BRAP: variants seen among roughly 807,000 people sequenced by gnomAD.
BRAP encodes BRCA1-associated protein.
BRAP carries 42 observed loss-of-function variants against 73.4 expected under a neutral mutation model. The observed-to-expected ratio is 0.57, with a 90% confidence interval of 0.45 to 0.74. The LOEUF is 0.74. BRAP is among the 30% of genes least tolerant of loss of function. The pLI is 0.00. For missense variants in BRAP, 593 were observed against 751.4 expected, an observed-to-expected ratio of 0.79 and a Z score of 2.46; for synonymous variants, 255 against 267.4, an observed-to-expected ratio of 0.95 and a Z score of 0.45.
At chr12:111,651,107 T>C (rs1238438423) in intron 10 of BRAP, among the ~76,000 whole-genome samples, 1 of 152,044 alleles carries the variant, frequency 6.6e-6, no homozygotes, top group Non-Finnish European at 1.5e-5. Flanking sequence ...CACAAGGCAA[T>C]ATAACAGGAA....
At chr12:111,670,422 T>C (rs912159496) in intron 5 of BRAP, 1 of 350,982 alleles carries the variant, frequency 2.8e-6, no homozygotes, top group Admixed American at 3.9e-5. Context: ...AATCAAATGC[T>C]AAAACAATCT....
At chr12:111,660,529 A>T in intron 7 of BRAP, 71 bp downstream of exon 7, 1 of 1,321,112 alleles carries the variant, frequency 7.6e-7, no homozygotes, top group Non-Finnish European at 1.0e-6. Flanking sequence ...AACTTAAGTC[A>T]TACCAGGCAG....
rs545553116 is a variant in BRAP at position 111,658,225 on chromosome 12, C to A, written c.1221+511G>T. Among the ~76,000 whole-genome samples, 47 of 151,928 alleles carry A rather than the reference C, an allele frequency of 3.1e-4. 1 individual carries two copies. Among genetic ancestry groups the A allele is most frequent in the Middle Eastern group, 3.4e-3 (1 of 294 alleles). ...GATTACAGGGGTGTGAGCCACTGCA[C>A]CCAGCTGACATTTAGACTTTCAAAG... On this transcript the variant is annotated intron_variant, in intron 9 of 11. Coordinates refer to ENST00000419234, the MANE Select transcript of BRAP (RefSeq NM_006768.5).
Position 111,642,803 on chromosome 12 carries a change from A to G in BRAP, c.*1396T>C, listed in dbSNP as rs1592960747. 6.6e-6 allele frequency: 1 copy of G among 152,214 alleles called. No individual in the cohort carries two copies. The highest frequency in any genetic ancestry group is 2.1e-4 in the South Asian group (1 of 4,828). The allele number at this position is 152,214 out of a possible 1,614,324, so 9.4% of individuals were successfully genotyped here. A position where few individuals can be genotyped will look rare whatever the true frequency, so the allele number is the denominator to read the frequency against. On this transcript the variant is annotated 3_prime_UTR_variant, in exon 12 of 12. Transcript: ENST00000419234. ...ACATTCATTTTGCAACATTACACGT[A>G]AAGTTTTTTGGGAAATGCTGCAGCA...
intron 4 of BRAP, among the ~76,000 whole-genome samples, chr12:111,675,679 G>A (rs1206631320): frequency 6.6e-6 from 1 of 151,600 alleles, no homozygotes; most frequent in Non-Finnish European, 1.5e-5. Flanking sequence ...AAATAAACCT[G>A]GCTTTTGTTT....
At chr12:111,652,158 C>G (rs904904554) in intron 10 of BRAP, among the ~76,000 whole-genome samples, 27 of 152,104 alleles carry the variant, frequency 1.8e-4, no homozygotes, top group Non-Finnish European at 1.3e-4. Context: ...ATGTCTTGGA[C>G]AGTAAAGATA....
intron 11 of BRAP, 130 bp from the exon 12 acceptor site, chr12:111,644,692 G>A (rs1283660711): frequency 7.3e-7 from 1 of 1,366,000 alleles, no homozygotes; most frequent in Non-Finnish European, 9.9e-7. Flanking sequence ...CTCCCATCGT[G>A]AGGGAGAATG....
intron 11 of BRAP, among the ~76,000 whole-genome samples, chr12:111,648,808 T>C (rs1208156146): frequency 1.3e-5 from 2 of 148,252 alleles, no homozygotes; most frequent in Non-Finnish European, 3.0e-5. Context: ...GCACCTGTAG[T>C]CCCAGCTATT....
chr12:111,648,533 A>C (rs1355439647), intron 11 of BRAP, among the ~76,000 whole-genome samples: 1 of 142,020 alleles, frequency 7.0e-6, no homozygotes, highest in African/African-American at 2.6e-5. Context: ...AATCACTTGA[A>C]TCCGGGAGGC....
intron 10 of BRAP, among the ~76,000 whole-genome samples, chr12:111,654,512 C>T (rs937481965): frequency 1.4e-5 from 2 of 147,602 alleles, no homozygotes; most frequent in Non-Finnish European, 2.9e-5. Flanking sequence ...GATTGGGTTT[C>T]GCCATGTTGG....
rs1593005454 is a variant in BRAP at position 111,685,746 on chromosome 12, G to A, written c.47C>T (p.Ser16Leu). The part of the protein sequence containing the change: ...VVIRLELAEH[S>L]PVPAGFGFSA... ...GAAGCCGAAGCCGGCGGGGACAGGC[G>A]AGTGTTCCGCGAGCTCCAATCGGAT... Residue 16 changes from serine to leucine, a missense_variant, in exon 1 of 12, where the codon TCG becomes TTG. By Grantham distance (145) the Ser-to-Leu change is moderately radical. This residue lies in a region of BRAP where 304 missense variants were observed against 337.7 expected (regional missense o/e 0.90). Coordinates refer to ENST00000419234, the MANE Select transcript of BRAP (RefSeq NM_006768.5). The A allele has an allele frequency of 6.2e-7, 1 of 1,609,890 alleles. No homozygotes were observed. The highest frequency in any genetic ancestry group is 8.5e-7 in the Non-Finnish European group (1 of 1,178,908).
intron 1 of BRAP, among the ~76,000 whole-genome samples, chr12:111,685,068 T>G (rs1228638811): frequency 6.6e-6 from 1 of 152,192 alleles, no homozygotes; most frequent in South Asian, 2.1e-4. Flanking sequence ...GTGTTAATGG[T>G]GTAAAAAGCT....
rs1885985689 is a variant in BRAP, at chr12:111,643,701, AATG to A, written c.*495_*497del. On this transcript the variant is annotated 3_prime_UTR_variant, in exon 12 of 12. Transcript: ENST00000419234. Reference sequence around the variant, plus strand: ...CTCCCCAGAGGAAGGGGGAGATGATAATGATATGACACTATTGCTAGGGAGTTT... The same window carrying A: ...CTCCCCAGAGGAAGGGGGAGATGATAATATGACACTATTGCTAGGGAGTTT... 6.5e-6 allele frequency: 1 copy of A among 153,020 alleles called. No individual in the cohort carries two copies. The highest frequency in any genetic ancestry group is 1.5e-5 in the Non-Finnish European group (1 of 68,684). The allele number at this position is 153,020 out of a possible 1,614,324, so 9.5% of individuals were successfully genotyped here.
At chr12:111,669,957 C>T in intron 5 of BRAP, 2 of 631,656 alleles carry the variant, frequency 3.2e-6, no homozygotes, top group African/African-American at 1.8e-5. Flanking sequence ...GAGTTTGGTC[C>T]AGCTGATGTT....
At chr12:111,667,717 A>AAAAAAAAAAAAAAAAAAAAAAAAAC in intron 5 of BRAP, among the ~76,000 whole-genome samples, 1 of 148,266 alleles carries the variant, frequency 6.7e-6, no homozygotes, top group Non-Finnish European at 1.5e-5. Flanking sequence ...AAAAAAAAAA[A>AAAAAAAAAAAAAAAAAAAAAAAAAC]AAAAGCTCAT....
rs747776505 is a variant in BRAP, at chr12:111,644,075, AAAC to A, written c.*121_*123del. 3.2e-5 allele frequency: 45 copies of A among 1,390,044 alleles called. No homozygotes were observed. The highest frequency in any genetic ancestry group is 4.0e-5 in the Non-Finnish European group (42 of 1,046,302). The allele number at this position is 1,390,044 out of a possible 1,614,324, so 86.1% of individuals were successfully genotyped here. On this transcript the variant is annotated 3_prime_UTR_variant, in exon 12 of 12. Coordinates refer to ENST00000419234, the MANE Select transcript of BRAP (RefSeq NM_006768.5). ...TCACACACTAGCAAATGAAAGAGCC[AAAC>A]AACTGTGGCTTGATCCTCACTTGTA... is the stretch of plus-strand genomic sequence containing the variant.
chr12:111,669,385 C>G (rs1252188057), intron 5 of BRAP, among the ~76,000 whole-genome samples: 1 of 152,056 alleles, frequency 6.6e-6, no homozygotes, highest in Admixed American at 6.6e-5. Context: ...CGCCACCATG[C>G]CTGGCTAATT....
At position 111,679,362 on chromosome 12, in the gene BRAP, T is replaced by C. The variant is rs754503647; in HGVS notation, c.444-22A>G. The C allele has an allele frequency of 2.7e-6, 4 of 1,482,524 alleles. No homozygotes were observed. In the South Asian group the frequency reaches 5.9e-5, roughly 22 times the overall value. The allele number at this position is 1,482,524 out of a possible 1,614,324, so 91.8% of individuals were successfully genotyped here. A position where few individuals can be genotyped will look rare whatever the true frequency, so the allele number is the denominator to read the frequency against. On this transcript the variant is annotated intron_variant, in intron 3 of 11. Transcript: ENST00000419234. The stretch of plus-strand genomic sequence containing the variant: ...CTTACTAACAAAAAAAAAATTAGAG[T>C]GTCTTGAATAGATGAGGTATGGTTA...
intron 10 of BRAP, among the ~76,000 whole-genome samples, chr12:111,651,233 A>AT (rs201463039): frequency 0.013 from 1,974 of 151,022 alleles, 51 homozygotes; most frequent in African/African-American, 0.045. Context: ...CTTTAATAAT[A>AT]ATAATAATAA....
Sources: allele counts gnomAD v4.1 joint callset (sites outside exome capture counted in the v4.1 genomes callset), GRCh38; gene constraint gnomAD v4.1.1; regional missense constraint gnomAD v4.1.1; transcripts MANE v1.5; gene names NCBI Gene and HGNC (gene_info 2026-07-23, HGNC 2026-07-21).